The following CAST variants were observed in gnomAD, a reference collection of about 807,000 sequenced individuals.
CAST encodes the protein MIR583 host.
In CAST, 76 loss-of-function variants were observed where a neutral mutation model predicts 119.6. The observed-to-expected ratio is 0.64, with a 90% CI of 0.53 to 0.77. The LOEUF is 0.77. CAST is among the 30% of genes least tolerant of loss of function. CAST has a pLI of 0.00. For missense variants in CAST, 953 were observed against 946.5 expected (o/e 1.01, Z -0.09); for synonymous variants, 319 against 331.6 (o/e 0.96, Z 0.41).
At chr5:96,223,833 T>C in the CAST span, among the ~76,000 whole-genome samples, 4 of 152,176 alleles carry the variant, frequency 2.6e-5, no homozygotes, top group Admixed American at 6.5e-5. Flanking sequence ...GACTAGGTAA[T>C]TACTGTCATG....
the CAST span, among the ~76,000 whole-genome samples, chr5:96,411,887 G>A: frequency 1.3e-5 from 2 of 152,206 alleles, no homozygotes; most frequent in South Asian, 4.1e-4. Context: ...TCAGCTCACT[G>A]CTACCTCCGC....
intron 1 of CAST, among the ~76,000 whole-genome samples, chr5:96,560,659 C>T (rs2150184518): frequency 6.6e-6 from 1 of 152,292 alleles, no homozygotes; most frequent in Middle Eastern, 3.4e-3. Context: ...GAGATACCAT[C>T]TCACACCAGT....
chr5:96,490,166 A>T, the CAST span, among the ~76,000 whole-genome samples: 1 of 152,196 alleles, frequency 6.6e-6, no homozygotes, highest in African/African-American at 2.4e-5. Context: ...ACAAAGTTCA[A>T]AATACCTAAC....
chr5:96,478,895 G>A, the CAST span, among the ~76,000 whole-genome samples: 5 of 152,284 alleles, frequency 3.3e-5, no homozygotes, highest in Middle Eastern at 3.4e-3. Flanking sequence ...CTATTACATA[G>A]GGAGCGCACT....
chr5:96,105,578 A>G, the CAST span, among the ~76,000 whole-genome samples: 1 of 152,152 alleles, frequency 6.6e-6, no homozygotes, highest in Non-Finnish European at 1.5e-5. Context: ...CATCCCAGGG[A>G]TGAAGCCCAC....
chr5:96,727,668 TGGC>T, intron 6 of CAST, 138 bp downstream of exon 6: 1 of 510,730 alleles, frequency 2.0e-6, no homozygotes, highest in Non-Finnish European at 3.5e-6. Context: ...CCCTTTTGAA[TGGC>T]TGTGTACATG....
At chr5:96,378,509 G>A in the CAST span, among the ~76,000 whole-genome samples, 1 of 152,038 alleles carries the variant, frequency 6.6e-6, no homozygotes, top group African/African-American at 2.4e-5. Context: ...TGAAAAATGT[G>A]TGCCAGTTTT....
At chr5:96,300,774 A>G in the CAST span, among the ~76,000 whole-genome samples, 1 of 148,222 alleles carries the variant, frequency 6.7e-6, no homozygotes, top group African/African-American at 2.5e-5. Flanking sequence ...TTTTTCATTA[A>G]TGTTTTGTAG....
chr5:95,965,495 A>G, the CAST span, among the ~76,000 whole-genome samples: 1 of 152,224 alleles, frequency 6.6e-6, no homozygotes, highest in African/African-American at 2.4e-5. Context: ...AATTCTTATT[A>G]ATGTCTTAAT....
At chr5:96,631,639 G>C (rs867918669) in intron 1 of CAST, among the ~76,000 whole-genome samples, 1 of 96,550 alleles carries the variant, frequency 1.0e-5, no homozygotes, top group African/African-American at 3.2e-5. Context: ...GGAGTGCAGT[G>C]GTGAGATCTT....
chr5:96,208,115 A>G, the CAST span, among the ~76,000 whole-genome samples: 1 of 148,350 alleles, frequency 6.7e-6, no homozygotes, highest in Non-Finnish European at 1.5e-5. Context: ...TGTGTTCATA[A>G]TAGCCTCTGA....
chr5:96,756,575 C>T (rs1766373421), intron 22 of CAST, among the ~76,000 whole-genome samples: 1 of 152,114 alleles, frequency 6.6e-6, no homozygotes, highest in Non-Finnish European at 1.5e-5. Context: ...GTTGTCAGGT[C>T]AGCACTCAAA....
the CAST span, among the ~76,000 whole-genome samples, chr5:96,267,475 A>G: frequency 1.3e-5 from 2 of 152,212 alleles, no homozygotes; most frequent in African/African-American, 2.4e-5. Flanking sequence ...TTTGTTTGAC[A>G]ACCTTCTCAA....
chr5:96,416,752 C>G, the CAST span, among the ~76,000 whole-genome samples: 1 of 152,206 alleles, frequency 6.6e-6, no homozygotes, highest in African/African-American at 2.4e-5. Context: ...CAAGATGCTC[C>G]TGAAATCCCA....
chr5:96,680,509 C>G (rs1427565994), intron 2 of CAST, among the ~76,000 whole-genome samples: 1 of 151,132 alleles, frequency 6.6e-6, no homozygotes, highest in Non-Finnish European at 1.5e-5. Context: ...ATTTTGTTTA[C>G]TGAAATGCTG....
chr5:96,265,369 T>A, the CAST span, among the ~76,000 whole-genome samples: 2 of 151,984 alleles, frequency 1.3e-5, no homozygotes, highest in South Asian at 2.1e-4. Context: ...ATTCCTTCTA[T>A]AAGGAATTGG....
chr5:96,394,800 T>C, the CAST span: 1 of 1,498,216 alleles, frequency 6.7e-7, no homozygotes, highest in East Asian at 2.3e-5. Context: ...TGGGTACAGC[T>C]TCACTGACTA....
At chr5:96,413,026 G>T in the CAST span, 45 of 874,850 alleles carry the variant, frequency 5.1e-5, no homozygotes, top group Non-Finnish European at 6.2e-5. Flanking sequence ...ACTCTGGACA[G>T]GAAACATGTA....
At chr5:96,661,257 TAAA>T (rs59810319), upstream of CAST, among the ~76,000 whole-genome samples, 9 of 67,946 alleles carry the variant, frequency 1.3e-4, no homozygotes, top group Admixed American at 8.1e-4. Context: ...TCTCTACCAT[TAAA>T]AAAAAAAAAA....
Sources: allele counts gnomAD v4.1 joint callset (sites outside exome capture counted in the v4.1 genomes callset), GRCh38; gene constraint gnomAD v4.1.1; transcripts MANE v1.5; gene names NCBI Gene and HGNC (gene_info 2026-07-23, HGNC 2026-07-21).